KIAA1549L: variants seen among roughly 807,000 people sequenced by gnomAD.
KIAA1549L encodes UPF0606 protein KIAA1549L.
A neutral mutation model predicts 160.7 loss-of-function variants in KIAA1549L; 88 were observed. That is an observed-to-expected ratio of 0.55 (90% CI 0.46 to 0.65). The LOEUF is 0.65. Among genes scored for constraint, KIAA1549L ranks in the 30% least tolerant of loss-of-function variants. The probability of loss-of-function intolerance (pLI) is 0.00; values close to 1 mark genes in which losing one functional copy is unlikely to be tolerated. For synonymous variants in KIAA1549L, 950 were observed against 976.7 expected, an observed-to-expected ratio of 0.97 and a Z score of 0.51; for missense variants, 2,258 against 2,437.5, an observed-to-expected ratio of 0.93 and a Z score of 1.55.
At chr11:33,653,458 G>A (rs1414341476) in intron 17 of KIAA1549L, among the ~76,000 whole-genome samples, 1 of 152,210 alleles carries the variant, frequency 6.6e-6, no homozygotes, top group Non-Finnish European at 1.5e-5. Flanking sequence ...TCTTCTGGGT[G>A]CTAACGAGAA....
At chr11:33,614,734 T>A (rs2133341917) in intron 15 of KIAA1549L, among the ~76,000 whole-genome samples, 1 of 148,720 alleles carries the variant, frequency 6.7e-6, no homozygotes, top group Admixed American at 6.7e-5. Flanking sequence ...TGCCTCAGCT[T>A]CCCAAGTAGC....
Position 33,670,613 on chromosome 11 carries a change from T to C in KIAA1549L, c.*2459T>C, listed in dbSNP as rs1463284871. 1 of 152,264 alleles carries C rather than the reference T, an allele frequency of 6.6e-6. No individual in the cohort carries two copies. Among genetic ancestry groups the C allele is most frequent in the Non-Finnish European group, 1.5e-5 (1 of 68,052 alleles). The allele number at this position is 152,264 out of a possible 1,614,324, so 9.4% of individuals were successfully genotyped here. A position where few individuals can be genotyped will look rare whatever the true frequency, so the allele number is the denominator to read the frequency against. On this transcript the variant is annotated 3_prime_UTR_variant, in exon 21 of 21. Coordinates refer to ENST00000658780, the MANE Select transcript of KIAA1549L (RefSeq NM_012194.3). ...TCATGGGGAGACAGAGCCACTCTGG[T>C]CAGATTTTCTGTGAGTGAGATGTGG...
intron 15 of KIAA1549L, among the ~76,000 whole-genome samples, chr11:33,617,677 A>G (rs1415040446): frequency 6.6e-6 from 1 of 152,188 alleles, no homozygotes; most frequent in East Asian, 1.9e-4. Flanking sequence ...TCTCATTAGG[A>G]TGTAATCTCT....
chr11:33,463,854 G>A (rs558105572), intron 1 of KIAA1549L, among the ~76,000 whole-genome samples: 7 of 152,304 alleles, frequency 4.6e-5, no homozygotes, highest in African/African-American at 1.7e-4. Context: ...TTAAAAAGTT[G>A]TTTTCCACTT....
intron 1 of KIAA1549L, among the ~76,000 whole-genome samples, chr11:33,533,205 T>C (rs951404767): frequency 2.0e-5 from 3 of 151,972 alleles, no homozygotes; most frequent in African/African-American, 7.3e-5. Context: ...ATAATTAGAG[T>C]GTAGCAGCAT....
Position 33,514,257 on chromosome 11 carries a change from C to T in KIAA1549L, c.239-27545C>T, listed in dbSNP as rs1005428492. On this transcript the variant is annotated intron_variant, in intron 1 of 20. Coordinates refer to ENST00000658780, the MANE Select transcript of KIAA1549L (RefSeq NM_012194.3). ...TACACGAAGAATAAACTCAACAAAA[C>T]TAAGTAGTATTTTATGCAAAGTCAT... Among the ~76,000 whole-genome samples the T allele has an allele frequency of 6.6e-5, 10 of 152,260 alleles. No homozygotes were observed. The South Asian group carries it at 1.2e-3, about 19-fold the overall frequency.
intron 1 of KIAA1549L, among the ~76,000 whole-genome samples, chr11:33,535,489 A>G (rs1413634505): frequency 6.6e-6 from 1 of 151,936 alleles, no homozygotes; most frequent in African/African-American, 2.4e-5. Context: ...CCTGGGTGAC[A>G]TGGCGAAACC....
chr11:33,651,678 C>T (rs1481016673), intron 17 of KIAA1549L, among the ~76,000 whole-genome samples: 2 of 152,080 alleles, frequency 1.3e-5, no homozygotes, highest in Non-Finnish European at 2.9e-5. Flanking sequence ...TCACCAGATC[C>T]CTCCTCCTGG....
chr11:33,480,304 G>T (rs1478764116), intron 1 of KIAA1549L, among the ~76,000 whole-genome samples: 2 of 152,034 alleles, frequency 1.3e-5, no homozygotes, highest in Admixed American at 1.3e-4. Context: ...TATTTGATTG[G>T]CTTCTTTCAC....
At chr11:33,663,226 A>G (rs1256264667) in intron 20 of KIAA1549L, among the ~76,000 whole-genome samples, 1 of 152,196 alleles carries the variant, frequency 6.6e-6, no homozygotes, top group African/African-American at 2.4e-5. Flanking sequence ...CTTGGATAAA[A>G]TCACCTGGAC....
chr11:33,505,175 G>A (rs1356995027), intron 1 of KIAA1549L, among the ~76,000 whole-genome samples: 1 of 152,192 alleles, frequency 6.6e-6, no homozygotes, highest in Non-Finnish European at 1.5e-5. Context: ...GTTTCCTTCT[G>A]TCATACATCC....
chr11:33,564,600 A>T (rs1156709242), intron 8 of KIAA1549L, among the ~76,000 whole-genome samples: 1 of 152,152 alleles, frequency 6.6e-6, no homozygotes, highest in Non-Finnish European at 1.5e-5. Context: ...CAGATTCAAT[A>T]TTGCTGCCAG....
chr11:33,536,287 C>T (rs1853891539), intron 1 of KIAA1549L, among the ~76,000 whole-genome samples: 1 of 152,232 alleles, frequency 6.6e-6, no homozygotes, highest in African/African-American at 2.4e-5. Context: ...CTTTTCCCTG[C>T]CTCATGATGT....
At chr11:33,497,801 C>T (rs1044988373) in intron 1 of KIAA1549L, among the ~76,000 whole-genome samples, 4 of 152,176 alleles carry the variant, frequency 2.6e-5, no homozygotes, top group Admixed American at 1.3e-4. Flanking sequence ...AATATGTGTA[C>T]ACAAAATAAA....
At chr11:33,494,667 G>T (rs568946064) in intron 1 of KIAA1549L, among the ~76,000 whole-genome samples, 5 of 152,138 alleles carry the variant, frequency 3.3e-5, no homozygotes, top group Non-Finnish European at 5.9e-5. Flanking sequence ...TAGAGAATGA[G>T]GGTGCTAAGT....
chr11:33,631,169 CA>C (rs1851276940), intron 16 of KIAA1549L, among the ~76,000 whole-genome samples: 1 of 152,078 alleles, frequency 6.6e-6, no homozygotes, highest in Non-Finnish European at 1.5e-5. Flanking sequence ...CACTCTTGTT[CA>C]AAATCCTCCA....
At chr11:33,485,641 G>T (rs566499667) in intron 1 of KIAA1549L, among the ~76,000 whole-genome samples, 1 of 151,550 alleles carries the variant, frequency 6.6e-6, no homozygotes, top group African/African-American at 2.4e-5. Flanking sequence ...ATTTTTTTTG[G>T]TGAGAACATT....
At chr11:33,501,107 A>T (rs961953270) in intron 1 of KIAA1549L, among the ~76,000 whole-genome samples, 1 of 152,170 alleles carries the variant, frequency 6.6e-6, no homozygotes, top group Non-Finnish European at 1.5e-5. Flanking sequence ...CAGGATAAGG[A>T]GTGTTAACAA....
At chr11:33,548,810 G>A (rs1854353599) in intron 4 of KIAA1549L, among the ~76,000 whole-genome samples, 1 of 152,154 alleles carries the variant, frequency 6.6e-6, no homozygotes, top group South Asian at 2.1e-4. Flanking sequence ...AAAAACTATT[G>A]CTGTGGCTTC....
Sources: allele counts gnomAD v4.1 joint callset (sites outside exome capture counted in the v4.1 genomes callset), GRCh38; gene constraint gnomAD v4.1.1; transcripts MANE v1.5; gene names NCBI Gene and HGNC (gene_info 2026-07-23, HGNC 2026-07-21).